The following ADAMTSL3 variants were observed in gnomAD, a reference collection of about 807,000 sequenced individuals.
ADAMTSL3 encodes the protein ADAMTS like 3, also known as ADAMTS-like protein 3.
A neutral mutation model predicts 201.7 loss-of-function variants in ADAMTSL3; 128 were observed. The observed-to-expected ratio is 0.63, with a 90% CI of 0.55 to 0.73. ADAMTSL3 has a LOEUF of 0.73. Among genes scored for constraint, ADAMTSL3 ranks in the 30% least tolerant of loss-of-function variants. The probability of loss-of-function intolerance (pLI) is 0.00; values close to 1 mark genes in which losing one functional copy is unlikely to be tolerated. For missense variants in ADAMTSL3, 1,990 were observed against 2,119.6 expected (o/e 0.94, Z 1.20); for synonymous variants, 738 against 748.4 (o/e 0.99, Z 0.23).
chr15:83,779,526 G>A (rs1004802773), intron 4 of ADAMTSL3, among the ~76,000 whole-genome samples: 9 of 151,746 alleles, frequency 5.9e-5, no homozygotes, highest in East Asian at 1.9e-4. Context: ...ATGAAACCCC[G>A]TCTCTACTAA....
intron 3 of ADAMTSL3, among the ~76,000 whole-genome samples, chr15:83,714,529 C>A (rs1164209605): frequency 1.3e-5 from 2 of 152,154 alleles, no homozygotes; most frequent in Admixed American, 6.5e-5. Flanking sequence ...CCTCGTCTAA[C>A]CCTTGTATAT....
chr15:83,744,029 T>A (rs948960210), intron 3 of ADAMTSL3, among the ~76,000 whole-genome samples: 1 of 152,066 alleles, frequency 6.6e-6, no homozygotes, highest in South Asian at 2.1e-4. Flanking sequence ...TTTTTGTATT[T>A]TTAGTAGAGA....
intron 15 of ADAMTSL3, among the ~76,000 whole-genome samples, chr15:83,905,429 C>T (rs2065813679): frequency 6.6e-6 from 1 of 152,078 alleles, no homozygotes; most frequent in Non-Finnish European, 1.5e-5. Flanking sequence ...CCATGTAGGC[C>T]ACGCAGGTTG....
At chr15:83,720,530 T>C (rs1487257642) in intron 3 of ADAMTSL3, among the ~76,000 whole-genome samples, 1 of 152,228 alleles carries the variant, frequency 6.6e-6, no homozygotes, top group African/African-American at 2.4e-5. Flanking sequence ...CCCGTGATAC[T>C]TCACACATTC....
intron 3 of ADAMTSL3, among the ~76,000 whole-genome samples, chr15:83,729,238 G>T (rs1023932893): frequency 6.6e-6 from 1 of 151,856 alleles, no homozygotes; most frequent in Admixed American, 6.6e-5. Context: ...AGTCTTCTTT[G>T]GGTTAAATCT....
At chr15:83,955,286 C>T (rs1179882508) in intron 19 of ADAMTSL3, among the ~76,000 whole-genome samples, 2 of 152,200 alleles carry the variant, frequency 1.3e-5, no homozygotes, top group African/African-American at 4.8e-5. Context: ...GAGCTCTCCC[C>T]ATGGCCATCA....
intron 21 of ADAMTSL3, among the ~76,000 whole-genome samples, chr15:83,985,330 A>G (rs1230004965): frequency 1.3e-5 from 2 of 152,136 alleles, no homozygotes; most frequent in Non-Finnish European, 2.9e-5. Context: ...CTTTTTCATC[A>G]TTGGCAACAA....
intron 17 of ADAMTSL3, among the ~76,000 whole-genome samples, chr15:83,929,812 A>G (rs1335680214): frequency 6.6e-6 from 1 of 151,560 alleles, no homozygotes; most frequent in Admixed American, 6.6e-5. Flanking sequence ...ACTCAGACTC[A>G]CCCTAAGGAA....
chr15:83,986,671 A>G (rs2067482292), intron 21 of ADAMTSL3, among the ~76,000 whole-genome samples: 1 of 152,180 alleles, frequency 6.6e-6, no homozygotes, highest in Non-Finnish European at 1.5e-5. Context: ...AAATCTTTTC[A>G]GTTGAAGTAA....
chr15:83,839,846 A>G (rs1037233608), intron 7 of ADAMTSL3, among the ~76,000 whole-genome samples: 1 of 152,202 alleles, frequency 6.6e-6, no homozygotes, highest in Non-Finnish European at 1.5e-5. Flanking sequence ...GAGGAGACAC[A>G]TATCAGAGGT....
chr15:83,837,391 G>T (rs1314136509), intron 6 of ADAMTSL3, among the ~76,000 whole-genome samples: 1 of 151,970 alleles, frequency 6.6e-6, no homozygotes, highest in Non-Finnish European at 1.5e-5. Context: ...TCAAATTTAG[G>T]ACAGTGGTTG....
intron 17 of ADAMTSL3, 26 bp from the exon 18 acceptor site, chr15:83,942,570 C>T (rs373629085): frequency 1.6e-5 from 25 of 1,601,492 alleles, no homozygotes; most frequent in Non-Finnish European, 2.1e-5. Flanking sequence ...GACTGTTCAA[C>T]TTTCCCCACT....
At chr15:83,999,454 T>C (rs1380842990) in intron 23 of ADAMTSL3, among the ~76,000 whole-genome samples, 1 of 152,228 alleles carries the variant, frequency 6.6e-6, no homozygotes, top group Non-Finnish European at 1.5e-5. Flanking sequence ...TGTCTAGAAT[T>C]CTAAATACAT....
rs558197805 is a variant in ADAMTSL3, at chr15:83,673,326, C to T, written c.69+17496C>T. 7.2e-5 allele frequency among the ~76,000 whole-genome samples: 11 copies of T among 152,316 alleles called. No homozygotes were observed. The South Asian group carries it at 1.7e-3, about 23-fold the overall frequency. On this transcript the variant is annotated intron_variant, in intron 2 of 29. Transcript: ENST00000286744. ...GTTTATTATAGTGTTAATTGATAAA[C>T]GAATAGACAGGCACACATACATAAT... is the stretch of plus-strand genomic sequence containing the variant.
chr15:83,825,578 C>T lies in ADAMTSL3; in HGVS notation c.600+5531C>T, dbSNP rs534753282. Among the ~76,000 whole-genome samples, 6 of 152,150 alleles carry T rather than the reference C, an allele frequency of 3.9e-5. No homozygotes were observed. In the South Asian group the frequency reaches 8.3e-4, roughly 21 times the overall value. On this transcript the variant is annotated intron_variant, in intron 6 of 29. Transcript: ENST00000286744. Reference sequence around the variant, plus strand: ...AGGCTGCACTGAACTATGATTGTACCACTGTACTCCAGCCTATGATAGGGT... The same window carrying T: ...AGGCTGCACTGAACTATGATTGTACTACTGTACTCCAGCCTATGATAGGGT...
intron 2 of ADAMTSL3, among the ~76,000 whole-genome samples, chr15:83,657,762 G>A (rs1245596227): frequency 6.6e-6 from 1 of 152,210 alleles, no homozygotes; most frequent in Non-Finnish European, 1.5e-5. Context: ...GGTATCAGCT[G>A]TGGAGGGCCT....
intron 24 of ADAMTSL3, 38 bp from the exon 25 acceptor site, chr15:84,016,345 G>A (rs1216200179): frequency 6.6e-7 from 1 of 1,526,278 alleles, no homozygotes; most frequent in South Asian, 1.1e-5. Flanking sequence ...ATTAGATAAT[G>A]TCTAACTGGT....
Position 83,935,287 on chromosome 15 carries a change from A to T in ADAMTSL3, c.2118-7309A>T, listed in dbSNP as rs142830225. ...CCCAGTGGTGACAGATTCAGAAAAAAGTTAGGAAATGTTCTTGTAGATAAG... is the reference window on the plus strand; with the variant it reads ...CCCAGTGGTGACAGATTCAGAAAAATGTTAGGAAATGTTCTTGTAGATAAG... On this transcript the variant is annotated intron_variant, in intron 17 of 29. Coordinates refer to ENST00000286744, the MANE Select transcript of ADAMTSL3 (RefSeq NM_207517.3). Among the ~76,000 whole-genome samples the T allele has an allele frequency of 5.9e-3, 892 of 152,322 alleles. 7 individuals are homozygous for T. The highest frequency in any genetic ancestry group is 0.02 in the African/African-American group (825 of 41,584).
intron 1 of ADAMTSL3, 82 bp from the exon 2 acceptor site, chr15:83,655,647 C>G (rs1462800571): frequency 3.1e-6 from 3 of 975,556 alleles, no homozygotes; most frequent in Non-Finnish European, 4.7e-6. Context: ...CAGGGTCCCT[C>G]CATCTAATGG....
Sources: gnomAD v4.1 joint callset for allele counts (sites outside exome capture counted in the v4.1 genomes callset) on GRCh38, gnomAD v4.1.1 for gene constraint, MANE v1.5 for transcripts, NCBI Gene and HGNC (gene_info 2026-07-23, HGNC 2026-07-21) for gene names.